Variants in NFATC1 observed in about 807,000 individuals in gnomAD.
NFATC1 encodes the protein nuclear factor of activated T-cells, cytoplasmic 1.
In NFATC1, 22 loss-of-function variants were observed where a neutral mutation model predicts 76.0. The observed-to-expected ratio is 0.29, with a 90% confidence interval of 0.21 to 0.41. The LOEUF is 0.41. Among genes scored for constraint, NFATC1 ranks in the 10% least tolerant of loss-of-function variants. The pLI is 1.00. For synonymous variants in NFATC1, 704 were observed against 613.1 expected (o/e 1.15, Z -2.19); for missense variants, 1,357 against 1,337.7 (o/e 1.01, Z -0.23).
At chr18:79,498,864 C>T (rs1482942983) in intron 9 of NFATC1, among the ~76,000 whole-genome samples, 4 of 152,104 alleles carry the variant, frequency 2.6e-5, no homozygotes, top group African/African-American at 4.8e-5. Context: ...AGTGGGACGG[C>T]GCATTCAAAA....
At chr18:79,398,272 T>C (rs1215000298) in intron 1 of NFATC1, among the ~76,000 whole-genome samples, 1 of 152,252 alleles carries the variant, frequency 6.6e-6, no homozygotes, top group East Asian at 1.9e-4. Context: ...CCCCACGGGC[T>C]GGGGCCAAAC....
intron 9 of NFATC1, among the ~76,000 whole-genome samples, chr18:79,508,595 C>T (rs981321377): frequency 3.3e-5 from 5 of 152,056 alleles, no homozygotes; most frequent in Non-Finnish European, 5.9e-5. Context: ...CCCTCTCTCT[C>T]GGTCTTTCTC....
chr18:79,396,057 C>A lies in NFATC1; in HGVS notation c.-168C>A. The A allele has an allele frequency of 6.1e-6, 5 of 824,276 alleles. No individual in the cohort carries two copies. The highest frequency in any genetic ancestry group is 7.7e-6 in the Non-Finnish European group (5 of 646,776). The allele number at this position is 824,276 out of a possible 1,614,324, so 51.1% of individuals were successfully genotyped here. A position where few individuals can be genotyped will look rare whatever the true frequency, so the allele number is the denominator to read the frequency against. ...CACCGCGCAGGTCCTAGGGCCGCGG[C>A]CGGGCCCCGCCACGCGCGCACACGC... On this transcript the variant is annotated 5_prime_UTR_variant, in exon 1 of 10. Transcript: ENST00000427363.
At chr18:79,461,603 C>G (rs1047680658) in intron 7 of NFATC1, among the ~76,000 whole-genome samples, 2 of 152,230 alleles carry the variant, frequency 1.3e-5, no homozygotes, top group Non-Finnish European at 1.5e-5. Flanking sequence ...AGAGCCCTGG[C>G]GGCCGGGGAC....
At chr18:79,431,286 G>A (rs1600692696) in intron 2 of NFATC1, among the ~76,000 whole-genome samples, 1 of 152,178 alleles carries the variant, frequency 6.6e-6, no homozygotes, top group African/African-American at 2.4e-5. Flanking sequence ...TAAAAATTAC[G>A]TAGTTGATTC....
In NFATC1 at chr18:79,486,853, G is replaced by C. The variant is rs1405703588; in HGVS notation, c.2698G>C (p.Glu900Gln). The change falls in exon 9 of 10, where the codon GAG (glutamate) becomes CAG (glutamine). Residue 900 changes from glutamate (E) to glutamine (Q), a missense_variant. Coordinates refer to ENST00000427363, the MANE Select transcript of NFATC1 (RefSeq NM_001278669.2). ...AGPRLLPEVHEDGSPNLAPIP... is the reference protein window; with the variant it reads ...AGPRLLPEVHQDGSPNLAPIP... The stretch of plus-strand genomic sequence containing the variant: ...GCCACGGCTGCTGCCAGAGGTGCAT[G>C]AGGACGGTAGTCCTAATTTGGCCCC... The C allele has an allele frequency of 1.9e-6, 3 of 1,611,950 alleles. No homozygotes were observed. The South Asian group carries it at 3.3e-5, about 18-fold the overall frequency.
intron 9 of NFATC1, among the ~76,000 whole-genome samples, chr18:79,510,528 G>A (rs771141502): frequency 6.6e-6 from 1 of 152,222 alleles, no homozygotes; most frequent in Non-Finnish European, 1.5e-5. Context: ...GAGGGGCTTA[G>A]AGGTCAAAAA....
At position 79,479,755 on chromosome 18, in the gene NFATC1, G is replaced by A. The variant is rs527635200; in HGVS notation, c.2093-6493G>A. 2.9e-3 allele frequency among the ~76,000 whole-genome samples: 441 copies of A among 152,324 alleles called. 2 individuals carry two copies. The highest frequency in any genetic ancestry group is 0.01 in the African/African-American group (419 of 41,580). On this transcript the variant is annotated intron_variant, in intron 8 of 9. Transcript: ENST00000427363. ...GTCCCCTGTGGGTGCCGGGTGCCTC[G>A]CGCATCCCTGCCGTCCACCGCCCTT... is the stretch of plus-strand genomic sequence containing the variant.
intron 2 of NFATC1, among the ~76,000 whole-genome samples, chr18:79,428,987 GA>G (rs1255613145): frequency 2.0e-5 from 3 of 152,224 alleles, no homozygotes; most frequent in Non-Finnish European, 2.9e-5. Context: ...TTGGGAGGCT[GA>G]AGCGGGCGGA....
rs1225891385 is a variant in NFATC1 at position 79,452,949 on chromosome 18, G to A, written c.1903+1133G>A. On this transcript the variant is annotated intron_variant, in intron 6 of 9. Transcript: ENST00000427363. ...AATGGGGTCTTGATTTGTACAGTTTGCCGGAAACTTAAGTGCTTCAATCAA... is the reference window on the plus strand; with the variant it reads ...AATGGGGTCTTGATTTGTACAGTTTACCGGAAACTTAAGTGCTTCAATCAA... Among the ~76,000 whole-genome samples, 3 of 152,356 alleles carry A rather than the reference G, an allele frequency of 2.0e-5. No homozygotes were observed. The East Asian group carries it at 5.8e-4, about 29-fold the overall frequency.
At chr18:79,472,151 TG>T (rs377581381) in intron 8 of NFATC1, among the ~76,000 whole-genome samples, 1 of 149,622 alleles carries the variant, frequency 6.7e-6, no homozygotes, top group African/African-American at 2.5e-5. Context: ...GTGTGAGCCG[TG>T]GGGGGGCGGG....
chr18:79,453,179 G>A (rs1164415305), intron 6 of NFATC1, among the ~76,000 whole-genome samples: 1 of 152,232 alleles, frequency 6.6e-6, no homozygotes, highest in Non-Finnish European at 1.5e-5. Context: ...CGTTGGCGGA[G>A]AAACACTTCG....
At chr18:79,407,767 A>C (rs7235416) in intron 1 of NFATC1, among the ~76,000 whole-genome samples, 119,056 of 152,172 alleles carry the variant, frequency 0.78, 46,738 homozygotes, top group Middle Eastern at 0.86. Flanking sequence ...TATTGACATT[A>C]CTGTTCTCTC....
chr18:79,520,917 T>G (rs1414093262), intron 9 of NFATC1, among the ~76,000 whole-genome samples: 1 of 104,944 alleles, frequency 9.5e-6, no homozygotes, highest in African/African-American at 3.8e-5. Context: ...GAGCATCCAC[T>G]GGTGTGTGTG....
At chr18:79,508,540 A>T (rs1392077315) in intron 9 of NFATC1, among the ~76,000 whole-genome samples, 1 of 152,176 alleles carries the variant, frequency 6.6e-6, no homozygotes, top group Non-Finnish European at 1.5e-5. Flanking sequence ...CCCCTCAAAA[A>T]TGTGCTCGAA....
intron 1 of NFATC1, among the ~76,000 whole-genome samples, chr18:79,404,256 T>C (rs906935931): frequency 2.0e-5 from 3 of 152,238 alleles, no homozygotes; most frequent in Non-Finnish European, 4.4e-5. Context: ...GGCGTGCTTA[T>C]TTATGGAACA....
chr18:79,515,554 G>A (rs1391339363), intron 9 of NFATC1, among the ~76,000 whole-genome samples: 6 of 151,854 alleles, frequency 4.0e-5, no homozygotes. Flanking sequence ...AGTTGCCAAT[G>A]GAGCTTTTGA....
chr18:79,415,410 G>C (rs2085843276), intron 2 of NFATC1, among the ~76,000 whole-genome samples: 1 of 152,080 alleles, frequency 6.6e-6, no homozygotes, highest in Non-Finnish European at 1.5e-5. Context: ...AGCCTCCCAA[G>C]TAGCTGGGCC....
intron 2 of NFATC1, among the ~76,000 whole-genome samples, chr18:79,429,544 C>T (rs1200497737): frequency 6.6e-6 from 1 of 152,110 alleles, no homozygotes; most frequent in Non-Finnish European, 1.5e-5. Context: ...GCACGCCTGC[C>T]CGAGGCTGCC....
Sources: gnomAD v4.1 joint callset for allele counts (sites outside exome capture counted in the v4.1 genomes callset) on GRCh38, gnomAD v4.1.1 for gene constraint, MANE v1.5 for transcripts, NCBI Gene and HGNC (gene_info 2026-07-23, HGNC 2026-07-21) for gene names.